Variants in NFIA observed in about 807,000 individuals in gnomAD.
The protein encoded by NFIA is nuclear factor 1 A-type.
In NFIA, 8 loss-of-function variants were observed where a neutral mutation model predicts 62.8. The ratio of observed to expected loss-of-function variants is 0.13; its 90% confidence interval spans 0.07 to 0.23. NFIA has a LOEUF of 0.23. NFIA is among the 10% of genes least tolerant of loss of function. The probability of loss-of-function intolerance (pLI) is 1.00; values close to 1 mark genes in which losing one functional copy is unlikely to be tolerated. For missense variants in NFIA, 410 were observed against 642.1 expected, an observed-to-expected ratio of 0.64 and a Z score of 3.91; for synonymous variants, 235 against 238.1, an observed-to-expected ratio of 0.99 and a Z score of 0.12.
rs1218997201 is a variant in NFIA at position 61,408,968 on chromosome 1, A to G, written c.1420+2241A>G. ...GCTACTCAACCCCTAAATTGAGTTGATGCCTTTGGGTCCACAGTTCTAGAC... is the reference window on the plus strand; with the variant it reads ...GCTACTCAACCCCTAAATTGAGTTGGTGCCTTTGGGTCCACAGTTCTAGAC... On this transcript the variant is annotated intron_variant, in intron 9 of 10. Coordinates refer to ENST00000403491, the MANE Select transcript of NFIA (RefSeq NM_001134673.4). Among the ~76,000 whole-genome samples the G allele has an allele frequency of 2.6e-5, 4 of 152,352 alleles. No individual in the cohort carries two copies. In the South Asian group the frequency reaches 8.3e-4, roughly 32 times the overall value.
intron 3 of NFIA, among the ~76,000 whole-genome samples, chr1:61,280,203 G>C (rs1658048663): frequency 6.6e-6 from 1 of 152,170 alleles, no homozygotes; most frequent in Non-Finnish European, 1.5e-5. Context: ...TCAGGGCTGG[G>C]TATTTACATG....
upstream of NFIA, among the ~76,000 whole-genome samples, chr1:61,080,710 A>AT (rs1266536889): frequency 6.6e-6 from 1 of 152,174 alleles, no homozygotes; most frequent in Non-Finnish European, 1.5e-5. Flanking sequence ...GGCTGAAATC[A>AT]TTATTTCTCC....
chr1:61,415,106 G>A (rs1459553339), intron 9 of NFIA, among the ~76,000 whole-genome samples: 3 of 152,106 alleles, frequency 2.0e-5, no homozygotes, highest in East Asian at 3.8e-4. Flanking sequence ...ACTTAAATAC[G>A]TACAGTATTT....
intron 2 of NFIA, among the ~76,000 whole-genome samples, chr1:61,098,666 C>A (rs894387173): frequency 3.9e-5 from 6 of 152,142 alleles, no homozygotes; most frequent in African/African-American, 1.4e-4. Context: ...ATTAAGAATT[C>A]TTTTCTTAAC....
intron 2 of NFIA, among the ~76,000 whole-genome samples, chr1:61,219,316 A>T (rs1653854832): frequency 6.6e-6 from 1 of 152,166 alleles, no homozygotes. Context: ...AATTATTTCT[A>T]AACTATTTTT....
chr1:61,175,033 CAAAA>C (rs765136632), intron 2 of NFIA, among the ~76,000 whole-genome samples: 1 of 151,786 alleles, frequency 6.6e-6, no homozygotes. Context: ...TAAAAAAAAA[CAAAA>C]AAACACATCT....
At chr1:61,268,381 A>G (rs1274471689) in intron 2 of NFIA, among the ~76,000 whole-genome samples, 2 of 152,088 alleles carry the variant, frequency 1.3e-5, no homozygotes, top group South Asian at 2.1e-4. Flanking sequence ...CTCTTCTACC[A>G]TGTTATCTTC....
intron 10 of NFIA, among the ~76,000 whole-genome samples, chr1:61,426,897 A>G (rs1220374948): frequency 1.3e-5 from 2 of 152,132 alleles, no homozygotes; most frequent in Admixed American, 6.5e-5. Flanking sequence ...TGAAAGTAAT[A>G]TCTGGTTGCC....
At chr1:61,264,031 G>T (rs1281251069) in intron 2 of NFIA, among the ~76,000 whole-genome samples, 1 of 152,036 alleles carries the variant, frequency 6.6e-6, no homozygotes, top group African/African-American at 2.4e-5. Context: ...ATACAGAGTT[G>T]AATGAATGGA....
At chr1:61,447,036 C>T (rs1327256422) in intron 10 of NFIA, among the ~76,000 whole-genome samples, 1 of 152,180 alleles carries the variant, frequency 6.6e-6, no homozygotes, top group Non-Finnish European at 1.5e-5. Context: ...AATTGGAATC[C>T]GATGTGTAGA....
At chr1:61,379,402 CTTTT>C (rs60735193) in intron 6 of NFIA, among the ~76,000 whole-genome samples, 6,983 of 97,572 alleles carry the variant, frequency 0.072, 121 homozygotes, top group Non-Finnish European at 0.097. Context: ...TTTTCTTTTT[CTTTT>C]TTTTTTTTTT....
intron 2 of NFIA, among the ~76,000 whole-genome samples, chr1:61,245,422 G>A (rs1655579255): frequency 6.6e-6 from 1 of 152,046 alleles, no homozygotes; most frequent in African/African-American, 2.4e-5. Flanking sequence ...ATATATTATG[G>A]TCGAAGCTTT....
intron 2 of NFIA, among the ~76,000 whole-genome samples, chr1:61,136,524 CCTTT>C (rs1647193126): frequency 6.6e-6 from 1 of 152,068 alleles, no homozygotes; most frequent in Non-Finnish European, 1.5e-5. Context: ...TGCTGTGGAG[CCTTT>C]CTAACGCCTA....
chr1:61,340,799 G>A (rs374455239), intron 4 of NFIA, among the ~76,000 whole-genome samples: 3 of 152,176 alleles, frequency 2.0e-5, no homozygotes, highest in Non-Finnish European at 4.4e-5. Flanking sequence ...TGACCCTTAC[G>A]GAGTTAGTAA....
intron 7 of NFIA, among the ~76,000 whole-genome samples, chr1:61,399,032 C>T (rs968582825): frequency 2.6e-5 from 4 of 151,910 alleles, no homozygotes; most frequent in African/African-American, 9.7e-5. Flanking sequence ...GAAGCTTTGC[C>T]GTATTACAAA....
chr1:61,174,673 A>C (rs974113378), intron 2 of NFIA, among the ~76,000 whole-genome samples: 10 of 152,338 alleles, frequency 6.6e-5, no homozygotes, highest in Admixed American at 2.0e-4. Flanking sequence ...TTGATTCCAC[A>C]AGATGATGTG....
At chr1:61,175,330 C>A (rs1337817378) in intron 2 of NFIA, among the ~76,000 whole-genome samples, 6 of 151,946 alleles carry the variant, frequency 3.9e-5, no homozygotes, top group Admixed American at 3.9e-4. Flanking sequence ...TTTGTAGAGA[C>A]GGGCTTTCAC....
chr1:61,361,704 A>G (rs1663298802), intron 6 of NFIA, among the ~76,000 whole-genome samples: 1 of 152,038 alleles, frequency 6.6e-6, no homozygotes, highest in Non-Finnish European at 1.5e-5. Flanking sequence ...ACGATCATAA[A>G]TTTTAACATT....
chr1:61,173,389 T>C (rs1256806763), intron 2 of NFIA, among the ~76,000 whole-genome samples: 2 of 151,864 alleles, frequency 1.3e-5, no homozygotes, highest in African/African-American at 4.9e-5. Flanking sequence ...TTTTCTTCTC[T>C]TTTCTTTTCT....
Sources: gnomAD v4.1 joint callset for allele counts (sites outside exome capture counted in the v4.1 genomes callset) on GRCh38, gnomAD v4.1.1 for gene constraint, MANE v1.5 for transcripts, NCBI Gene and HGNC (gene_info 2026-07-23, HGNC 2026-07-21) for gene names.